Variants in TCF12 observed in about 807,000 individuals in gnomAD.
TCF12 encodes DNA-binding protein HTF4.
In TCF12, 45 loss-of-function variants were observed where a neutral mutation model predicts 86.0. The observed-to-expected ratio is 0.52, with a 90% confidence interval of 0.41 to 0.67. The LOEUF (loss-of-function observed/expected upper bound fraction) is 0.67, where lower values mean the gene tolerates loss of function less well. Among genes scored for constraint, TCF12 ranks in the 30% least tolerant of loss-of-function variants. TCF12 has a pLI of 0.00. For missense variants in TCF12, 881 were observed against 859.9 expected (o/e 1.02, Z -0.31); for synonymous variants, 330 against 299.6 (o/e 1.10, Z -1.05).
At chr15:57,104,975 G>A (rs1454328340) in intron 5 of TCF12, among the ~76,000 whole-genome samples, 1 of 141,412 alleles carries the variant, frequency 7.1e-6, no homozygotes, top group Non-Finnish European at 1.5e-5. Flanking sequence ...CCGGGTTCAA[G>A]CAATTCTCCT....
chr15:57,107,917 A>G (rs945950799), intron 5 of TCF12, among the ~76,000 whole-genome samples: 4 of 152,114 alleles, frequency 2.6e-5, no homozygotes, highest in Admixed American at 2.0e-4. Flanking sequence ...AAAAATAAAT[A>G]AATAAAATAC....
chr15:56,959,314 G>A (rs1458118014), intron 3 of TCF12, among the ~76,000 whole-genome samples: 1 of 152,158 alleles, frequency 6.6e-6, no homozygotes, highest in Non-Finnish European at 1.5e-5. Context: ...TCCATGGAGA[G>A]GCTACAGCTT....
chr15:57,274,744 C>T (rs547619656), intron 19 of TCF12, among the ~76,000 whole-genome samples: 1 of 152,300 alleles, frequency 6.6e-6, no homozygotes, highest in South Asian at 2.1e-4. Context: ...AAGCCACTGC[C>T]TCCATCTCAG....
At chr15:57,266,564 ATAGT>A (rs1187920854) in intron 18 of TCF12, among the ~76,000 whole-genome samples, 1 of 152,254 alleles carries the variant, frequency 6.6e-6, no homozygotes, top group East Asian at 1.9e-4. Context: ...AAACAATTAA[ATAGT>A]AATTTGAGAA....
rs2059683408 is a variant in TCF12, at chr15:56,919,665, C to T, written c.-22-227C>T. ...GAGAGGCGGCGAGTTGCGGGAGCCG[C>T]CGCGTCGATCTCGGGCCGCGGCGAG... is the stretch of plus-strand genomic sequence containing the variant. On this transcript the variant is annotated intron_variant, in intron 1 of 20. Coordinates refer to ENST00000333725, the MANE Select transcript of TCF12 (RefSeq NM_207037.2). The T allele has an allele frequency of 1.4e-5, 5 of 355,996 alleles. No individual in the cohort carries two copies. The South Asian group carries it at 2.1e-4, about 15-fold the overall frequency. The allele number at this position is 355,996 out of a possible 1,614,324, so 22.1% of individuals were successfully genotyped here.
At chr15:57,244,487 T>G (rs2151975240) in intron 13 of TCF12, among the ~76,000 whole-genome samples, 1 of 152,230 alleles carries the variant, frequency 6.6e-6, no homozygotes, top group African/African-American at 2.4e-5. Flanking sequence ...TGAGATGGAG[T>G]CTCACTCTGT....
intron 18 of TCF12, 135 bp from the exon 19 acceptor site, chr15:57,272,895 A>T: frequency 1.3e-6 from 1 of 793,654 alleles, no homozygotes; most frequent in Non-Finnish European, 2.0e-6. Context: ...AGTCATGTTA[A>T]CTGCACCTAT....
chr15:57,061,506 G>A (rs987298931), intron 3 of TCF12, among the ~76,000 whole-genome samples: 20 of 152,196 alleles, frequency 1.3e-4, no homozygotes, highest in African/African-American at 4.3e-4. Context: ...AGGAAGCTGA[G>A]GCAGGAGGAT....
chr15:57,142,785 A>C (rs2053072961), intron 5 of TCF12, among the ~76,000 whole-genome samples: 1 of 152,162 alleles, frequency 6.6e-6, no homozygotes, highest in Non-Finnish European at 1.5e-5. Flanking sequence ...TTCATGTGCC[A>C]CCTAACAGAG....
chr15:57,194,941 C>G (rs1488709581), intron 7 of TCF12, among the ~76,000 whole-genome samples: 2 of 152,054 alleles, frequency 1.3e-5, no homozygotes, highest in African/African-American at 4.8e-5. Context: ...TCACTCTTGT[C>G]CCCCAGGCTG....
chr15:57,161,005 A>C (rs551239202), intron 5 of TCF12, among the ~76,000 whole-genome samples: 1 of 152,104 alleles, frequency 6.6e-6, no homozygotes, highest in Admixed American at 6.5e-5. Context: ...CTTGTGTCTT[A>C]CTCATCTCCT....
At chr15:57,063,028 C>G (rs1443871859) in intron 3 of TCF12, among the ~76,000 whole-genome samples, 10 of 152,152 alleles carry the variant, frequency 6.6e-5, no homozygotes, top group African/African-American at 2.4e-4. Flanking sequence ...GCCCAAGTGT[C>G]AGAAGATGCA....
At chr15:57,120,311 A>T (rs914512369) in intron 5 of TCF12, among the ~76,000 whole-genome samples, 6 of 152,192 alleles carry the variant, frequency 3.9e-5, no homozygotes, top group African/African-American at 1.2e-4. Flanking sequence ...TGTATATGTT[A>T]TGCTGAAATT....
chr15:56,933,608 A>T (rs969419892), intron 3 of TCF12, among the ~76,000 whole-genome samples: 3 of 152,202 alleles, frequency 2.0e-5, no homozygotes, highest in Non-Finnish European at 4.4e-5. Flanking sequence ...TATGTCTAAG[A>T]TGAGGACAAT....
intron 3 of TCF12, among the ~76,000 whole-genome samples, chr15:56,953,176 G>GT (rs1159721046): frequency 6.6e-6 from 1 of 151,928 alleles, no homozygotes; most frequent in African/African-American, 2.4e-5. Flanking sequence ...GTTAAACTAA[G>GT]TTTGCATTCC....
intron 7 of TCF12, among the ~76,000 whole-genome samples, chr15:57,196,751 C>T (rs2057285381): frequency 1.3e-5 from 2 of 152,050 alleles, no homozygotes; most frequent in South Asian, 2.1e-4. Flanking sequence ...CTTTCTCTGT[C>T]AAGTTATTTC....
chr15:56,958,674 A>AGTGT lies in TCF12; in HGVS notation c.148+37577_148+37578insTGTG, dbSNP rs1405638725. Among the ~76,000 whole-genome samples, 415 of 64,548 alleles carry AGTGT rather than the reference A, an allele frequency of 6.4e-3. 2 individuals are homozygous for AGTGT. Among genetic ancestry groups the AGTGT allele is most frequent in the African/African-American group, 0.018 (391 of 21,358 alleles). 42.3% of individuals were successfully genotyped at this position (64,548 alleles called of 152,430 possible). A position where few individuals can be genotyped will look rare whatever the true frequency, so the allele number is the denominator to read the frequency against. On this transcript the variant is annotated intron_variant, in intron 3 of 20. Coordinates refer to ENST00000333725, the MANE Select transcript of TCF12 (RefSeq NM_207037.2). ...CTGTATATGAGAAAGAGAGAGAGAG[A>AGTGT]GAGAGTGTGTGTGTGTGTGTGTGTG...
chr15:57,210,919 T>C (rs768397281), intron 8 of TCF12, among the ~76,000 whole-genome samples: 1 of 152,248 alleles, frequency 6.6e-6, no homozygotes, highest in Non-Finnish European at 1.5e-5. Context: ...AAGTCATAGA[T>C]GGGCACTGCA....
chr15:57,058,564 C>T (rs925881207), intron 3 of TCF12, among the ~76,000 whole-genome samples: 9 of 152,088 alleles, frequency 5.9e-5, no homozygotes, highest in African/African-American at 1.9e-4. Context: ...ATCTTTCCAC[C>T]GGACTTACTT....
Sources: allele counts gnomAD v4.1 joint callset (sites outside exome capture counted in the v4.1 genomes callset), GRCh38; gene constraint gnomAD v4.1.1; transcripts MANE v1.5; gene names NCBI Gene and HGNC (gene_info 2026-07-23, HGNC 2026-07-21).